PPARGC1A: variants seen among roughly 807,000 people sequenced by gnomAD.
The protein encoded by PPARGC1A is peroxisome proliferator-activated receptor gamma coactivator 1-alpha.
A neutral mutation model predicts 88.7 loss-of-function variants in PPARGC1A; 25 were observed. The ratio of observed to expected loss-of-function variants is 0.28; its 90% CI spans 0.21 to 0.39. The LOEUF (loss-of-function observed/expected upper bound fraction) is 0.39, where lower values mean the gene tolerates loss of function less well. PPARGC1A is among the 10% of genes least tolerant of loss of function. The probability of loss-of-function intolerance (pLI) is 1.00; values close to 1 mark genes in which losing one functional copy is unlikely to be tolerated. For synonymous variants in PPARGC1A, 363 were observed against 355.6 expected (o/e 1.02, Z -0.24); for missense variants, 880 against 968.7 (o/e 0.91, Z 1.22).
At chr4:23,841,986 A>C (rs913754147) in intron 2 of PPARGC1A, among the ~76,000 whole-genome samples, 2 of 152,130 alleles carry the variant, frequency 1.3e-5, no homozygotes, top group African/African-American at 4.8e-5. Context: ...ACAGAGTTGG[A>C]TATTAAACCA....
chr4:24,084,647 A>G, the PPARGC1A span, among the ~76,000 whole-genome samples: 1 of 152,200 alleles, frequency 6.6e-6, no homozygotes, highest in Non-Finnish European at 1.5e-5. Flanking sequence ...AACATGTAGA[A>G]TGAAAACAAA....
chr4:24,263,153 G>A, the PPARGC1A span, among the ~76,000 whole-genome samples: 3 of 152,174 alleles, frequency 2.0e-5, no homozygotes, highest in Non-Finnish European at 4.4e-5. Flanking sequence ...AGCACTTACT[G>A]TAGGTTCACA....
At chr4:23,799,281 G>A (rs1359167987) in intron 12 of PPARGC1A, among the ~76,000 whole-genome samples, 2 of 151,962 alleles carry the variant, frequency 1.3e-5, no homozygotes, top group African/African-American at 4.8e-5. Flanking sequence ...ATTTTAAAAC[G>A]ACTTTACACT....
the PPARGC1A span, among the ~76,000 whole-genome samples, chr4:24,136,002 G>A: frequency 6.6e-6 from 1 of 152,150 alleles, no homozygotes; most frequent in African/African-American, 2.4e-5. Flanking sequence ...GAGGGGGTAC[G>A]CTTCCTCCCT....
chr4:24,169,529 T>C, the PPARGC1A span, among the ~76,000 whole-genome samples: 1 of 152,020 alleles, frequency 6.6e-6, no homozygotes, highest in South Asian at 2.1e-4. Flanking sequence ...GCAGTTTTTC[T>C]GTAAATCTAT....
the PPARGC1A span, among the ~76,000 whole-genome samples, chr4:23,989,889 C>T: frequency 4.7e-5 from 7 of 150,402 alleles, no homozygotes; most frequent in East Asian, 1.4e-3. Flanking sequence ...TTATCCCCAC[C>T]CCAAAAGGCA....
the PPARGC1A span, among the ~76,000 whole-genome samples, chr4:23,964,419 A>T: frequency 6.6e-6 from 1 of 152,108 alleles, no homozygotes; most frequent in African/African-American, 2.4e-5. Context: ...GGATGATAAG[A>T]AAAGGGATGA....
chr4:24,252,681 C>T, the PPARGC1A span, among the ~76,000 whole-genome samples: 1 of 152,212 alleles, frequency 6.6e-6, no homozygotes, highest in African/African-American at 2.4e-5. Flanking sequence ...CCCTAACTCC[C>T]ATCTCCACCC....
upstream of PPARGC1A, among the ~76,000 whole-genome samples, chr4:23,903,125 G>A (rs1344010821): frequency 6.6e-6 from 1 of 152,136 alleles, no homozygotes. Flanking sequence ...TACACTGGGG[G>A]AAAGATTAGA....
chr4:23,895,159 GAA>G (rs773200297), intron 1 of PPARGC1A, among the ~76,000 whole-genome samples: 376 of 53,568 alleles, frequency 7.0e-3, no homozygotes, highest in African/African-American at 0.021. Flanking sequence ...TTGTTTAACT[GAA>G]AAAAAAAAAA....
the PPARGC1A span, among the ~76,000 whole-genome samples, chr4:24,472,571 G>T: frequency 6.6e-6 from 1 of 152,016 alleles, no homozygotes; most frequent in African/African-American, 2.4e-5. The surrounding 1 kb of genome is among the most constrained non-coding windows in gnomAD (Gnocchi z 4.5). Context: ...AAATTCTCTC[G>T]AAAATAAAAG....
At chr4:24,389,644 TGAGG>T in the PPARGC1A span, among the ~76,000 whole-genome samples, 1 of 152,210 alleles carries the variant, frequency 6.6e-6, no homozygotes, top group Admixed American at 6.5e-5. Flanking sequence ...GTTCTGGCCC[TGAGG>T]GAGGCTGGCT....
chr4:24,409,820 T>A, the PPARGC1A span, among the ~76,000 whole-genome samples: 5 of 152,186 alleles, frequency 3.3e-5, no homozygotes, highest in Admixed American at 3.3e-4. Context: ...CATGTGATTG[T>A]TAATCCAGAG....
the PPARGC1A span, among the ~76,000 whole-genome samples, chr4:24,471,829 AC>A: frequency 2.6e-5 from 4 of 151,234 alleles, no homozygotes; most frequent in Non-Finnish European, 4.4e-5. This position sits in a 1 kb window ranked among gnomAD's most constrained non-coding sequence, Gnocchi z 5.4. Flanking sequence ...TCTGCACCCC[AC>A]CCCCCCCACC....
chr4:23,835,466 TTGTGTGTGTGTGTGTG>T lies in PPARGC1A; in HGVS notation c.235-3731_235-3716del, dbSNP rs145407468. Among the ~76,000 whole-genome samples the T allele has an allele frequency of 9.5e-4, 128 of 135,366 alleles. 1 individual carries two copies. Among genetic ancestry groups the T allele is most frequent in the Admixed American group, 1.5e-3 (20 of 13,264 alleles). 88.8% of individuals were successfully genotyped at this position (135,366 alleles called of 152,430 possible). A position where few individuals can be genotyped will look rare whatever the true frequency, so the allele number is the denominator to read the frequency against. On this transcript the variant is annotated intron_variant, in intron 2 of 12. Coordinates refer to ENST00000264867, the MANE Select transcript of PPARGC1A (RefSeq NM_013261.5). ...TAAGATGGGAGATTAGCATGGCGGC[TTGTGTGTGTGTGTGTG>T]TGTGTGTGTGTGTGTGTGTGTGTGT... is the stretch of plus-strand genomic sequence containing the variant.
chr4:24,301,544 C>T, the PPARGC1A span, among the ~76,000 whole-genome samples: 3 of 150,510 alleles, frequency 2.0e-5, no homozygotes, highest in Admixed American at 2.0e-4. Context: ...GCTGTTAAGG[C>T]CATCAGAATA....
At chr4:24,356,817 A>G in the PPARGC1A span, among the ~76,000 whole-genome samples, 1 of 152,182 alleles carries the variant, frequency 6.6e-6, no homozygotes, top group Admixed American at 6.5e-5. Flanking sequence ...TATTATTCCT[A>G]TATGATGGAG....
chr4:24,377,424 A>T, the PPARGC1A span, among the ~76,000 whole-genome samples: 2 of 152,102 alleles, frequency 1.3e-5, no homozygotes, highest in Non-Finnish European at 2.9e-5. Flanking sequence ...TTGACGTTGT[A>T]TTGCATAAAT....
At chr4:24,141,806 C>T in the PPARGC1A span, among the ~76,000 whole-genome samples, 2 of 152,144 alleles carry the variant, frequency 1.3e-5, no homozygotes, top group East Asian at 1.9e-4. Flanking sequence ...AAGATGTGAC[C>T]GTCTGAAGCA....
Sources: gnomAD v4.1 joint callset for allele counts (sites outside exome capture counted in the v4.1 genomes callset) on GRCh38, gnomAD v4.1.1 for gene constraint, Gnocchi (gnomAD v3.1) non-coding constraint, MANE v1.5 for transcripts, NCBI Gene and HGNC (gene_info 2026-07-23, HGNC 2026-07-21) for gene names.